The following TRHDE variants were observed in gnomAD, a reference collection of about 807,000 sequenced individuals.
TRHDE encodes the protein thyrotropin-releasing hormone-degrading ectoenzyme.
In TRHDE, 72 loss-of-function variants were observed where a neutral mutation model predicts 125.7. The observed-to-expected ratio is 0.57, with a 90% CI of 0.47 to 0.70. TRHDE has a LOEUF of 0.70. Among genes scored for constraint, TRHDE ranks in the 30% least tolerant of loss-of-function variants. The pLI is 0.00. For synonymous variants in TRHDE, 509 were observed against 509.1 expected (o/e 1.00, Z 0.00); for missense variants, 1,110 against 1,327.1 (o/e 0.84, Z 2.54).
intron 3 of TRHDE, among the ~76,000 whole-genome samples, chr12:72,469,556 GA>G (rs1876544815): frequency 6.6e-6 from 1 of 152,162 alleles, no homozygotes; most frequent in South Asian, 2.1e-4. Flanking sequence ...GAACTGTGAT[GA>G]ATGGATATGA....
chr12:72,283,298 A>G (rs548967433), intron 1 of TRHDE, among the ~76,000 whole-genome samples: 2 of 152,274 alleles, frequency 1.3e-5, no homozygotes, highest in South Asian at 2.1e-4. Flanking sequence ...GGAATATTTT[A>G]CGTCTGATTT....
intron 2 of TRHDE, among the ~76,000 whole-genome samples, chr12:72,292,143 A>G (rs1313759677): frequency 6.6e-6 from 1 of 152,184 alleles, no homozygotes; most frequent in African/African-American, 2.4e-5. Flanking sequence ...AACAGGCTTT[A>G]TGAGGCATGC....
intron 6 of TRHDE, among the ~76,000 whole-genome samples, chr12:72,501,943 A>T (rs1878173296): frequency 6.6e-6 from 1 of 151,924 alleles, no homozygotes; most frequent in South Asian, 2.1e-4. Context: ...TAAAATGTTT[A>T]CTTTATTGAC....
At chr12:72,562,352 G>T (rs1297582572) in intron 8 of TRHDE, 122 bp downstream of exon 8, 3 of 496,990 alleles carry the variant, frequency 6.0e-6, no homozygotes, top group Non-Finnish European at 1.1e-5. Context: ...TTTTTCATTT[G>T]TTCATATTGA....
chr12:72,165,249 T>C (rs1269459121), intron 2 of TRHDE, among the ~76,000 whole-genome samples: 3 of 152,186 alleles, frequency 2.0e-5, no homozygotes, highest in African/African-American at 4.8e-5. Context: ...TTCATTCTAG[T>C]ATACCATCAA....
At chr12:72,312,651 C>T (rs772228735) in intron 2 of TRHDE, among the ~76,000 whole-genome samples, 4 of 152,096 alleles carry the variant, frequency 2.6e-5, no homozygotes, top group Non-Finnish European at 4.4e-5. Flanking sequence ...CGGGAGGTCA[C>T]GAATTTACCA....
At chr12:72,236,601 A>T (rs1401557121) in intron 2 of TRHDE, among the ~76,000 whole-genome samples, 1 of 152,170 alleles carries the variant, frequency 6.6e-6, no homozygotes, top group African/African-American at 2.4e-5. Flanking sequence ...AGCATAAATC[A>T]TTGCTTCAGG....
chr12:72,120,674 C>CT (rs36076979), intron 2 of TRHDE, among the ~76,000 whole-genome samples: 3,183 of 118,636 alleles, frequency 0.027, 65 homozygotes, highest in African/African-American at 0.04. Context: ...TACTCTTTAA[C>CT]TTTTTTTTTT....
At chr12:72,127,802 A>C (rs186069777) in intron 2 of TRHDE, among the ~76,000 whole-genome samples, 1 of 152,256 alleles carries the variant, frequency 6.6e-6, no homozygotes, top group African/African-American at 2.4e-5. Flanking sequence ...ACTTGCATAC[A>C]TATCTCCTGA....
At chr12:72,465,573 A>G (rs530267016) in intron 3 of TRHDE, among the ~76,000 whole-genome samples, 1 of 152,072 alleles carries the variant, frequency 6.6e-6, no homozygotes, top group Non-Finnish European at 1.5e-5. Flanking sequence ...GCTGAGTAGT[A>G]TTTTGTTGCA....
intron 15 of TRHDE, among the ~76,000 whole-genome samples, chr12:72,631,798 G>A (rs1288755442): frequency 6.6e-6 from 1 of 151,830 alleles, no homozygotes; most frequent in East Asian, 1.9e-4. Flanking sequence ...ATGTATTATT[G>A]TTCTTCTACT....
intron 12 of TRHDE, among the ~76,000 whole-genome samples, chr12:72,577,001 CAT>C (rs1463443818): frequency 6.6e-6 from 1 of 151,866 alleles, no homozygotes; most frequent in African/African-American, 2.4e-5. Flanking sequence ...CCTGCTGAAT[CAT>C]GTGTGGAGAT....
At chr12:72,113,021 G>T (rs538980378) in intron 2 of TRHDE, among the ~76,000 whole-genome samples, 1 of 151,974 alleles carries the variant, frequency 6.6e-6, no homozygotes, top group Non-Finnish European at 1.5e-5. Flanking sequence ...CTTAAGAATT[G>T]TTTTTTCTTT....
At chr12:72,191,209 T>A (rs1592477012) in intron 2 of TRHDE, among the ~76,000 whole-genome samples, 1 of 152,250 alleles carries the variant, frequency 6.6e-6, no homozygotes, top group South Asian at 2.1e-4. Context: ...TGAATACTGG[T>A]TAGTGGAGAT....
chr12:72,552,821 G>T (rs147004710), intron 7 of TRHDE, among the ~76,000 whole-genome samples: 423 of 152,248 alleles, frequency 2.8e-3, no homozygotes, highest in Admixed American at 6.3e-3. Flanking sequence ...GGGGATAAAG[G>T]CTAAGGAAGA....
chr12:72,516,724 G>GGGA lies in TRHDE; in HGVS notation c.1722+17089_1722+17090insGGA, dbSNP rs758464710. 2.6e-3 allele frequency among the ~76,000 whole-genome samples: 398 copies of GGGA among 151,058 alleles called. 2 individuals are homozygous for GGGA. Among genetic ancestry groups the GGGA allele is most frequent in the Non-Finnish European group, 4.4e-3 (293 of 67,284 alleles). On this transcript the variant is annotated intron_variant, in intron 6 of 18. Transcript: ENST00000261180. The stretch of plus-strand genomic sequence containing the variant: ...GAGAGGGCATCCCTGTCTTGTGCCA[G>GGGA]TTTTCAAAGGGAATGCTTCCAGTTT...
At chr12:72,258,835 G>A (rs11179133) in intron 2 of TRHDE, among the ~76,000 whole-genome samples, 18,079 of 152,090 alleles carry the variant, frequency 0.12, 1,149 homozygotes, top group Non-Finnish European at 0.14. Flanking sequence ...AATTTCTGTT[G>A]TCCAATGTTT....
chr12:72,135,086 A>G (rs1361739615), intron 2 of TRHDE, among the ~76,000 whole-genome samples: 3 of 152,312 alleles, frequency 2.0e-5, no homozygotes, highest in East Asian at 3.9e-4. Flanking sequence ...GTAAAAATGC[A>G]TCAGGCTCCA....
At chr12:72,231,308 C>T (rs1188048468) in intron 2 of TRHDE, among the ~76,000 whole-genome samples, 2 of 152,008 alleles carry the variant, frequency 1.3e-5, no homozygotes, top group Non-Finnish European at 2.9e-5. Context: ...GTTACATTCC[C>T]CTCCCTCTCA....
Sources: allele counts gnomAD v4.1 joint callset (sites outside exome capture counted in the v4.1 genomes callset), GRCh38; gene constraint gnomAD v4.1.1; transcripts MANE v1.5; gene names NCBI Gene and HGNC (gene_info 2026-07-23, HGNC 2026-07-21).